FAM169A: variants seen among roughly 807,000 people sequenced by gnomAD.
FAM169A encodes family with sequence similarity 169 member A, also known as soluble lamin-associated protein of 75 kDa.
In FAM169A, 24 loss-of-function variants were observed where a neutral mutation model predicts 75.7. That is an observed-to-expected ratio of 0.32 (90% CI 0.23 to 0.45). FAM169A has a LOEUF of 0.45. Ranked by LOEUF, FAM169A falls within the 20% of genes least tolerant of loss-of-function variation. The probability of loss-of-function intolerance (pLI) is 1.00; values close to 1 mark genes in which losing one functional copy is unlikely to be tolerated. For missense variants in FAM169A, 673 were observed against 784.0 expected (o/e 0.86, Z 1.69); for synonymous variants, 271 against 271.0 (o/e 1.00, Z 0.00).
At chr5:74,862,066 G>T (rs1390232784) in intron 1 of FAM169A, among the ~76,000 whole-genome samples, 1 of 152,160 alleles carries the variant, frequency 6.6e-6, no homozygotes, top group African/African-American at 2.4e-5. Context: ...CAGCAGATGT[G>T]TCTCAACTCT....
intron 5 of FAM169A, among the ~76,000 whole-genome samples, chr5:74,818,947 C>G (rs57371810): frequency 6.6e-6 from 1 of 152,092 alleles, no homozygotes; most frequent in Non-Finnish European, 1.5e-5. Context: ...TGGCTAGGCG[C>G]GGAGGCTCAC....
At chr5:74,856,306 C>T (rs551131446) in intron 1 of FAM169A, among the ~76,000 whole-genome samples, 11 of 151,668 alleles carry the variant, frequency 7.3e-5, no homozygotes, top group Admixed American at 3.9e-4. Flanking sequence ...ATTTTTTTTT[C>T]TATTTCTGTG....
chr5:74,779,667 G>T lies in FAM169A; in HGVS notation c.*1793C>A, dbSNP rs1215530147. The T allele has an allele frequency of 4.6e-5, 7 of 151,316 alleles. No homozygotes were observed. Among genetic ancestry groups the T allele is most frequent in the Admixed American group, 6.6e-5 (1 of 15,168 alleles). The allele number at this position is 151,316 out of a possible 1,614,324, so 9.4% of individuals were successfully genotyped here. On this transcript the variant is annotated 3_prime_UTR_variant, in exon 13 of 13. Transcript: ENST00000687041. ...TTAGCATTTGTTGAAAAAATAAATG[G>T]CCAAAGTGCTTTAATTTTCATTTAG...
At chr5:74,805,661 G>C (rs1746840252) in intron 6 of FAM169A, among the ~76,000 whole-genome samples, 1 of 150,776 alleles carries the variant, frequency 6.6e-6, no homozygotes, top group Admixed American at 6.7e-5. Context: ...CTCCTGAGTA[G>C]CTGGGATTAC....
At chr5:74,801,153 ACCCT>A (rs1746552167) in intron 9 of FAM169A, 123 bp from the exon 10 acceptor site, 2 of 635,448 alleles carry the variant, frequency 3.1e-6, no homozygotes, top group Non-Finnish European at 4.9e-6. Context: ...ACACAGGTTC[ACCCT>A]CCCCTCACTT....
intron 1 of FAM169A, among the ~76,000 whole-genome samples, chr5:74,853,793 C>T (rs1296090258): frequency 3.9e-4 from 58 of 149,464 alleles, no homozygotes; most frequent in African/African-American, 1.4e-3. Flanking sequence ...CTGCAAGCTC[C>T]GCCTCCCGGG....
intron 1 of FAM169A, chr5:74,865,752 C>G (rs1750294298): frequency 6.6e-6 from 1 of 152,360 alleles, no homozygotes; most frequent in African/African-American, 2.4e-5. Context: ...CACACCTCCC[C>G]GAGTCCGCGT....
intron 1 of FAM169A, among the ~76,000 whole-genome samples, chr5:74,856,386 T>C (rs942411093): frequency 1.3e-5 from 2 of 152,212 alleles, no homozygotes; most frequent in African/African-American, 2.4e-5. Context: ...TATGAACATG[T>C]TGACAATATT....
In FAM169A at chr5:74,781,507, C is replaced by T. The variant is rs1370537783; in HGVS notation, c.1966G>A (p.Ala656Thr). The T allele has an allele frequency of 1.9e-6, 3 of 1,614,160 alleles. No homozygotes were observed. The highest frequency in any genetic ancestry group is 2.5e-6 in the Non-Finnish European group (3 of 1,180,004). Residue 656 changes from alanine (A) to threonine (T), a missense_variant, in exon 13 of 13, where the codon GCC becomes ACC. Transcript: ENST00000687041. The stretch of plus-strand genomic sequence containing the variant: ...TTAGCAGGTCCTTTATGCCCTTTGG[C>T]CTTTCTTCTTAAATTCCGCCTGTCT... ...VVDRRNLRRK[A>T]KGHKGPAKKK...
At chr5:74,783,409 T>C (rs1470779018) in intron 11 of FAM169A, among the ~76,000 whole-genome samples, 1 of 152,104 alleles carries the variant, frequency 6.6e-6, no homozygotes, top group Non-Finnish European at 1.5e-5. Context: ...ACAGTATGGG[T>C]CGGAGATTCA....
chr5:74,824,724 C>T (rs1473210448), intron 5 of FAM169A, among the ~76,000 whole-genome samples: 1 of 151,596 alleles, frequency 6.6e-6, no homozygotes, highest in Admixed American at 6.6e-5. Context: ...CACACACACA[C>T]ACACATACAC....
intron 5 of FAM169A, among the ~76,000 whole-genome samples, chr5:74,815,201 T>C (rs1275306942): frequency 6.6e-6 from 1 of 152,064 alleles, no homozygotes; most frequent in Non-Finnish European, 1.5e-5. Context: ...TTTTTCTTTT[T>C]TTTTTGAGAT....
At chr5:74,805,991 AAAG>A (rs1304591889) in intron 6 of FAM169A, among the ~76,000 whole-genome samples, 1 of 151,572 alleles carries the variant, frequency 6.6e-6, no homozygotes, top group East Asian at 1.9e-4. Context: ...AAAAAAAAAA[AAAG>A]AAATAATATT....
intron 6 of FAM169A, among the ~76,000 whole-genome samples, chr5:74,813,477 C>A (rs1747313952): frequency 6.6e-6 from 1 of 152,020 alleles, no homozygotes; most frequent in South Asian, 2.1e-4. Flanking sequence ...CAGGCACGTG[C>A]CACCACGCCC....
chr5:74,840,527 A>T (rs1207363677), intron 2 of FAM169A, among the ~76,000 whole-genome samples: 4 of 128,662 alleles, frequency 3.1e-5, no homozygotes, highest in African/African-American at 6.8e-5. Flanking sequence ...TTATCTAGTT[A>T]AAAAAAAAAA....
chr5:74,787,216 C>G (rs553151032), intron 11 of FAM169A, among the ~76,000 whole-genome samples: 2 of 152,234 alleles, frequency 1.3e-5, no homozygotes, highest in South Asian at 4.2e-4. Context: ...ACATAGAGTT[C>G]GATCAGGCTG....
chr5:74,844,771 C>T (rs563185709), intron 1 of FAM169A, among the ~76,000 whole-genome samples: 15 of 152,096 alleles, frequency 9.9e-5, no homozygotes, highest in South Asian at 6.2e-4. Context: ...GAGCCAAGAT[C>T]GCACCACTGC....
At chr5:74,820,262 T>C (rs1418892892) in intron 5 of FAM169A, among the ~76,000 whole-genome samples, 3 of 152,052 alleles carry the variant, frequency 2.0e-5, no homozygotes, top group Admixed American at 6.5e-5. Context: ...TCCCAAAGTG[T>C]TGGGATTACA....
At chr5:74,858,156 G>A (rs979590783) in intron 1 of FAM169A, among the ~76,000 whole-genome samples, 1 of 151,656 alleles carries the variant, frequency 6.6e-6, no homozygotes, top group East Asian at 1.9e-4. Flanking sequence ...GGGAGGCCAA[G>A]GCAGGCAGGT....
Sources: gnomAD v4.1 joint callset for allele counts (sites outside exome capture counted in the v4.1 genomes callset) on GRCh38, gnomAD v4.1.1 for gene constraint, MANE v1.5 for transcripts, NCBI Gene and HGNC (gene_info 2026-07-23, HGNC 2026-07-21) for gene names.